SCAMP1: variants seen among roughly 807,000 people sequenced by gnomAD.
SCAMP1 encodes the protein secretory carrier-associated membrane protein 1.
Under a neutral mutation model 41.8 loss-of-function variants are expected in SCAMP1, and 15 were observed. The ratio of observed to expected loss-of-function variants is 0.36; its 90% CI spans 0.24 to 0.55. The LOEUF (loss-of-function observed/expected upper bound fraction) is 0.55. Ranked by LOEUF, SCAMP1 falls within the 20% of genes least tolerant of loss-of-function variation. The probability of loss-of-function intolerance (pLI) is 0.86; values close to 1 mark genes in which losing one functional copy is unlikely to be tolerated. For missense variants in SCAMP1, 341 were observed against 412.6 expected (o/e 0.83, Z 1.50); for synonymous variants, 135 against 136.8 (o/e 0.99, Z 0.09).
chr5:78,410,362 A>G (rs757431217), intron 2 of SCAMP1, among the ~76,000 whole-genome samples: 2 of 151,742 alleles, frequency 1.3e-5, no homozygotes, highest in Non-Finnish European at 2.9e-5. Context: ...TGTGTTCTCA[A>G]TGTTCAGTTC....
At chr5:78,424,888 G>A (rs1288993979) in intron 6 of SCAMP1, among the ~76,000 whole-genome samples, 3 of 152,208 alleles carry the variant, frequency 2.0e-5, no homozygotes, top group African/African-American at 4.8e-5. Context: ...CTGAGAAAGA[G>A]TATTTGCATA....
chr5:78,469,906 AAAAAAAC>A (rs1753835567), intron 8 of SCAMP1, among the ~76,000 whole-genome samples: 3 of 43,394 alleles, frequency 6.9e-5, no homozygotes, highest in Admixed American at 1.9e-4. Flanking sequence ...AAAAAAAAAA[AAAAAAAC>A]AAAAAAAAAA....
intron 6 of SCAMP1, among the ~76,000 whole-genome samples, chr5:78,442,131 A>C (rs1468003201): frequency 1.3e-5 from 2 of 152,172 alleles, no homozygotes; most frequent in Non-Finnish European, 2.9e-5. Context: ...CTTGTCTCAA[A>C]AAAAGAAGGA....
intron 7 of SCAMP1, 40 bp from the exon 8 acceptor site, chr5:78,459,205 C>A: frequency 1.1e-6 from 1 of 916,288 alleles, no homozygotes; most frequent in Non-Finnish European, 1.8e-6. Context: ...AAAAAGTTTA[C>A]ATCAACTTTT....
chr5:78,460,770 T>G lies in SCAMP1; in HGVS notation c.852+1408T>G, dbSNP rs576210828. ...CTTCCTTCCTTCCTTCCTTCCTTCC[T>G]TCCTTCCTTCCTTCCTTCCTTCCTT... On this transcript the variant is annotated intron_variant, in intron 8 of 8. Coordinates refer to ENST00000621999, the MANE Select transcript of SCAMP1 (RefSeq NM_004866.6). 4.2e-3 allele frequency among the ~76,000 whole-genome samples: 156 copies of G among 36,876 alleles called. 2 individuals are homozygous for G. Among genetic ancestry groups the G allele is most frequent in the African/African-American group, 0.021 (110 of 5,362 alleles). 24.2% of individuals were successfully genotyped at this position (36,876 alleles called of 152,430 possible).
intron 1 of SCAMP1, among the ~76,000 whole-genome samples, chr5:78,380,400 T>A (rs1362680780): frequency 6.6e-6 from 1 of 152,222 alleles, no homozygotes; most frequent in Non-Finnish European, 1.5e-5. Flanking sequence ...TAACAGTCTT[T>A]ATTCCCATTA....
At chr5:78,457,265 G>T (rs888157633) in intron 7 of SCAMP1, among the ~76,000 whole-genome samples, 3 of 152,282 alleles carry the variant, frequency 2.0e-5, no homozygotes, top group South Asian at 2.1e-4. Flanking sequence ...GGCGCTCTGC[G>T]TTTTAGAGTT....
chr5:78,424,355 ATG>A (rs1275224866), intron 6 of SCAMP1, among the ~76,000 whole-genome samples: 1 of 152,198 alleles, frequency 6.6e-6, no homozygotes, highest in African/African-American at 2.4e-5. Context: ...TTTCAAATGT[ATG>A]TGTTTTTAAA....
Position 78,415,574 on chromosome 5 carries a change from A to G in SCAMP1, c.190A>G (p.Met64Val). The G allele has an allele frequency of 6.2e-7, 1 of 1,608,008 alleles. No homozygotes were observed. The highest frequency in any genetic ancestry group is 1.1e-5 in the South Asian group (1 of 89,290). ...TGTACCCAATACACAACCAGCAATA[A>G]TGAAACCAACAGAGGAACATCCAGC... ...PNVPNTQPAI[M>V]KPTEEHPAYT... The change falls in exon 3 of 9, where the codon ATG becomes GTG. Residue 64 changes from methionine (M) to valine (V), a missense_variant. Met to Val is a conservative substitution (Grantham distance 21). Coordinates refer to ENST00000621999, the MANE Select transcript of SCAMP1 (RefSeq NM_004866.6).
chr5:78,446,565 A>G (rs1259163027), intron 6 of SCAMP1, among the ~76,000 whole-genome samples: 1 of 152,214 alleles, frequency 6.6e-6, no homozygotes, highest in African/African-American at 2.4e-5. Context: ...AAATAGAAAT[A>G]TACTTTAGAA....
At chr5:78,384,749 C>A (rs547111601) in intron 1 of SCAMP1, among the ~76,000 whole-genome samples, 1 of 151,922 alleles carries the variant, frequency 6.6e-6, no homozygotes, top group Non-Finnish European at 1.5e-5. Context: ...TGTGGTGTAT[C>A]ACATTTATTG....
intron 6 of SCAMP1, 27 bp from the exon 7 acceptor site, chr5:78,449,906 T>C: frequency 7.5e-7 from 1 of 1,342,100 alleles, no homozygotes; most frequent in South Asian, 1.4e-5. Context: ...ACCCCCTTTT[T>C]TCTTTCTTTC....
chr5:78,442,268 T>G (rs1250934112), intron 6 of SCAMP1, among the ~76,000 whole-genome samples: 1 of 152,146 alleles, frequency 6.6e-6, no homozygotes, highest in Non-Finnish European at 1.5e-5. Context: ...TGTTTGAGTT[T>G]TTTGTTTGTT....
At chr5:78,451,044 T>C (rs923490022) in intron 7 of SCAMP1, among the ~76,000 whole-genome samples, 1 of 152,240 alleles carries the variant, frequency 6.6e-6, no homozygotes, top group African/African-American at 2.4e-5. Context: ...AATATACTGC[T>C]TACTTTAACA....
At chr5:78,447,896 CTCCTCCCTCTTCTCCCTCCTGCCTCCT>C (rs1753096542) in intron 6 of SCAMP1, among the ~76,000 whole-genome samples, 1 of 89,098 alleles carries the variant, frequency 1.1e-5, no homozygotes, top group Non-Finnish European at 2.3e-5. Flanking sequence ...CCCCTTCTCC[CTCCTCCCTCTTCTCCCTCCTGCCTCCT>C]TCCCCCTTCC....
At chr5:78,455,242 C>A (rs1426792966) in intron 7 of SCAMP1, among the ~76,000 whole-genome samples, 1 of 149,674 alleles carries the variant, frequency 6.7e-6, no homozygotes, top group East Asian at 2.0e-4. Flanking sequence ...AACGTGTTTG[C>A]CCTTGCTTTT....
At chr5:78,475,201 T>C (rs1444108730) in intron 8 of SCAMP1, among the ~76,000 whole-genome samples, 1 of 152,180 alleles carries the variant, frequency 6.6e-6, no homozygotes, top group African/African-American at 2.4e-5. Flanking sequence ...GCTGTAATAA[T>C]TTCACTTGAC....
chr5:78,418,605 TA>T (rs1752264029), intron 4 of SCAMP1, among the ~76,000 whole-genome samples, 169 bp from the exon 5 acceptor site: 1 of 152,172 alleles, frequency 6.6e-6, no homozygotes, highest in African/African-American at 2.4e-5. Context: ...GAAAATTTTT[TA>T]AAAATCTAAA....
At chr5:78,363,687 C>G (rs1349328055) in intron 1 of SCAMP1, among the ~76,000 whole-genome samples, 1 of 152,146 alleles carries the variant, frequency 6.6e-6, no homozygotes, top group Non-Finnish European at 1.5e-5. Context: ...AGGAATACTT[C>G]TGCAAGCATC....
Sources: allele counts gnomAD v4.1 joint callset (sites outside exome capture counted in the v4.1 genomes callset), GRCh38; gene constraint gnomAD v4.1.1; transcripts MANE v1.5; gene names NCBI Gene and HGNC (gene_info 2026-07-23, HGNC 2026-07-21).